MAML3: variants seen among roughly 807,000 people sequenced by gnomAD.
MAML3 encodes the protein mastermind like transcriptional coactivator 3.
Under a neutral mutation model 101.9 loss-of-function variants are expected in MAML3, and 27 were observed. The observed-to-expected ratio is 0.27, with a 90% CI of 0.20 to 0.37. The LOEUF is 0.37. MAML3 is among the 10% of genes least tolerant of loss of function. MAML3 has a pLI of 1.00. For missense variants in MAML3, 1,316 were observed against 1,444.9 expected, an observed-to-expected ratio of 0.91 and a Z score of 1.45; for synonymous variants, 501 against 555.9, an observed-to-expected ratio of 0.90 and a Z score of 1.39.
intron 1 of MAML3, among the ~76,000 whole-genome samples, chr4:140,124,814 G>T (rs1578697181): frequency 6.6e-6 from 1 of 152,144 alleles, no homozygotes; most frequent in South Asian, 2.1e-4. Context: ...GGTGCAGGTG[G>T]CAGAGCCATG....
intron 1 of MAML3, among the ~76,000 whole-genome samples, chr4:139,929,261 AG>A (rs1733330827): frequency 6.6e-6 from 1 of 152,258 alleles, no homozygotes; most frequent in Admixed American, 6.5e-5. Context: ...AGTCTCTAGC[AG>A]AGGAGAAAAC....
intron 2 of MAML3, among the ~76,000 whole-genome samples, chr4:139,767,253 G>A (rs866370017): frequency 3.9e-5 from 6 of 152,158 alleles, no homozygotes; most frequent in African/African-American, 1.2e-4. Flanking sequence ...ACATGCTGAC[G>A]GATGTGTTCG....
At chr4:139,979,441 A>G (rs1020466989) in intron 1 of MAML3, among the ~76,000 whole-genome samples, 6 of 152,064 alleles carry the variant, frequency 3.9e-5, no homozygotes, top group Admixed American at 6.5e-5. Flanking sequence ...AGCTCCTTCT[A>G]TACTGTCCAC....
Position 139,901,742 on chromosome 4 carries a change from G to C in MAML3, c.469-10775C>G, listed in dbSNP as rs551667839. On this transcript the variant is annotated intron_variant, in intron 1 of 4. Transcript: ENST00000509479. Reference sequence around the variant, plus strand: ...TAGGCATGTTAGAACTAAGCGTGAGGTTTCGATTTGTTTATTTTCTGGAAG... The same window carrying C: ...TAGGCATGTTAGAACTAAGCGTGAGCTTTCGATTTGTTTATTTTCTGGAAG... Among the ~76,000 whole-genome samples, 4 of 152,296 alleles carry C rather than the reference G, an allele frequency of 2.6e-5. No individual in the cohort carries two copies. The East Asian group carries it at 7.7e-4, about 29-fold the overall frequency.
At chr4:139,725,052 C>G (rs1164030932) in intron 4 of MAML3, among the ~76,000 whole-genome samples, 1 of 152,202 alleles carries the variant, frequency 6.6e-6, no homozygotes, top group Non-Finnish European at 1.5e-5. Flanking sequence ...AGCCACCGCA[C>G]CCGGCCAAGG....
At chr4:139,765,102 C>T (rs1436773826) in intron 2 of MAML3, among the ~76,000 whole-genome samples, 1 of 152,250 alleles carries the variant, frequency 6.6e-6, no homozygotes, top group Non-Finnish European at 1.5e-5. Context: ...GGCAGCCCCA[C>T]TAACAGCTGC....
chr4:139,952,203 T>C (rs1054253674), intron 1 of MAML3, among the ~76,000 whole-genome samples: 9 of 152,150 alleles, frequency 5.9e-5, no homozygotes, highest in Non-Finnish European at 1.2e-4. Context: ...CATTATAATA[T>C]CACTATAATG....
intron 1 of MAML3, among the ~76,000 whole-genome samples, chr4:140,118,363 A>G (rs1356738437): frequency 6.6e-6 from 1 of 152,142 alleles, no homozygotes; most frequent in Non-Finnish European, 1.5e-5. Context: ...TAGGTTGAAG[A>G]TTAAATGATC....
intron 1 of MAML3, among the ~76,000 whole-genome samples, chr4:140,003,473 C>G (rs1726370971): frequency 6.6e-6 from 1 of 152,090 alleles, no homozygotes; most frequent in African/African-American, 2.4e-5. Flanking sequence ...ACATGAGAAT[C>G]CTGGCATGTC....
At chr4:139,767,976 GTTTAT>G (rs1729898713) in intron 2 of MAML3, among the ~76,000 whole-genome samples, 1 of 152,178 alleles carries the variant, frequency 6.6e-6, no homozygotes, top group Admixed American at 6.5e-5. Flanking sequence ...TTCTGAACAA[GTTTAT>G]TTTATTTTCT....
intron 2 of MAML3, among the ~76,000 whole-genome samples, chr4:139,815,163 G>C (rs374988012): frequency 6.6e-5 from 10 of 152,254 alleles, no homozygotes; most frequent in African/African-American, 2.4e-4. Flanking sequence ...AAGACAAATA[G>C]GTCTGTTCTG....
chr4:139,721,184 C>G (rs550684853), intron 4 of MAML3, among the ~76,000 whole-genome samples: 10 of 152,286 alleles, frequency 6.6e-5, no homozygotes, highest in African/African-American at 1.9e-4. Context: ...TTTAATAATG[C>G]TGTTTAAAAG....
At chr4:140,152,707 T>G (rs1729196185) in intron 1 of MAML3, among the ~76,000 whole-genome samples, 153 bp downstream of exon 1, 1 of 151,262 alleles carries the variant, frequency 6.6e-6, no homozygotes, top group African/African-American at 2.4e-5. Context: ...GCTTTTTCCC[T>G]AAGAAAAGTT....
intron 1 of MAML3, among the ~76,000 whole-genome samples, chr4:139,967,269 A>T (rs1734150968): frequency 6.6e-6 from 1 of 152,104 alleles, no homozygotes. Context: ...CTCAAAATTC[A>T]CAGCTCTTCC....
At chr4:139,987,414 CT>C (rs550778373) in intron 1 of MAML3, among the ~76,000 whole-genome samples, 104 of 152,334 alleles carry the variant, frequency 6.8e-4, no homozygotes, top group Non-Finnish European at 1.2e-3. Flanking sequence ...CACTTCTCAT[CT>C]TTTTGTTCTG....
intron 3 of MAML3, among the ~76,000 whole-genome samples, chr4:139,728,736 C>T (rs1309545613): frequency 6.6e-6 from 1 of 152,162 alleles, no homozygotes; most frequent in Non-Finnish European, 1.5e-5. Context: ...CCTGACCTCT[C>T]ACCTCCTTGT....
At chr4:139,874,641 C>A (rs1439973106) in intron 2 of MAML3, among the ~76,000 whole-genome samples, 5 of 152,122 alleles carry the variant, frequency 3.3e-5, no homozygotes, top group Non-Finnish European at 7.4e-5. Context: ...GAAACTTACA[C>A]TCTCCTAGAG....
At chr4:140,097,452 CAAGTACAACCA>C (rs1160107577) in intron 1 of MAML3, among the ~76,000 whole-genome samples, 1 of 152,018 alleles carries the variant, frequency 6.6e-6, no homozygotes, top group African/African-American at 2.4e-5. Flanking sequence ...AGTGGGTCAG[CAAGTACAACCA>C]AAGTAAATCC....
intron 2 of MAML3, among the ~76,000 whole-genome samples, chr4:139,855,201 CCTCA>C (rs1304176000): frequency 7.2e-5 from 11 of 152,238 alleles, no homozygotes; most frequent in African/African-American, 2.6e-4. Flanking sequence ...GCAATTCTGT[CCTCA>C]CTCTATTTGA....
Sources: gnomAD v4.1 joint callset for allele counts (sites outside exome capture counted in the v4.1 genomes callset) on GRCh38, gnomAD v4.1.1 for gene constraint, MANE v1.5 for transcripts, NCBI Gene and HGNC (gene_info 2026-07-23, HGNC 2026-07-21) for gene names.